Variants in CSMD1 observed in about 807,000 individuals in gnomAD.
The protein encoded by CSMD1 is CUB and sushi domain-containing protein 1.
A neutral mutation model predicts 417.5 loss-of-function variants in CSMD1; 213 were observed. That is an observed-to-expected ratio of 0.51 (90% CI 0.46 to 0.57). The LOEUF (loss-of-function observed/expected upper bound fraction) is 0.57, where lower values mean the gene tolerates loss of function less well. Among genes scored for constraint, CSMD1 ranks in the 20% least tolerant of loss-of-function variants. The probability of loss-of-function intolerance (pLI) is 0.00; values close to 1 mark genes in which losing one functional copy is unlikely to be tolerated. For missense variants in CSMD1, 6,923 were observed against 4,529.7 expected (o/e 1.53, Z -15.17); for synonymous variants, 2,862 against 1,736.8 (o/e 1.65, Z -16.11).
chr8:4,703,668 ATAG>A (rs1188368830), intron 1 of CSMD1, among the ~76,000 whole-genome samples: 2 of 152,184 alleles, frequency 1.3e-5, no homozygotes, highest in African/African-American at 4.8e-5. Flanking sequence ...TAGAAGACAA[ATAG>A]TAGTTGACTT....
chr8:3,412,898 T>C (rs1220452625), intron 12 of CSMD1, among the ~76,000 whole-genome samples: 1 of 152,104 alleles, frequency 6.6e-6, no homozygotes, highest in Non-Finnish European at 1.5e-5. Context: ...AGAAAAGAGC[T>C]CTTGTTTGTT....
chr8:3,653,189 T>C (rs1797945948), intron 7 of CSMD1, among the ~76,000 whole-genome samples: 1 of 151,820 alleles, frequency 6.6e-6, no homozygotes, highest in Admixed American at 6.6e-5. Context: ...TATACAAATA[T>C]ATTTAAAATT....
chr8:3,907,079 A>C (rs531819742), intron 5 of CSMD1, among the ~76,000 whole-genome samples: 2 of 152,324 alleles, frequency 1.3e-5, no homozygotes, highest in African/African-American at 4.8e-5. Context: ...GCTAGTAATC[A>C]CATCCCATGA....
rs139105329 is a variant in CSMD1 at position 4,395,419 on chromosome 8, T to TAA, written c.415+24532_415+24533dup. On this transcript the variant is annotated intron_variant, in intron 3 of 69. Coordinates refer to ENST00000635120, the MANE Select transcript of CSMD1 (RefSeq NM_033225.6). The stretch of plus-strand genomic sequence containing the variant: ...AGGCTCCAGAAGCGCTAAAGAATCA[T>TAA]AAAAAAAACAAGAAAAGCAGTCTCT... Among the ~76,000 whole-genome samples the TAA allele has an allele frequency of 2.6e-3, 388 of 151,568 alleles. 13 individuals are homozygous for TAA. In the East Asian group the frequency reaches 0.06, roughly 24 times the overall value.
At chr8:3,977,156 A>G (rs1267644323) in intron 5 of CSMD1, among the ~76,000 whole-genome samples, 1 of 152,098 alleles carries the variant, frequency 6.6e-6, no homozygotes, top group Non-Finnish European at 1.5e-5. Context: ...CATTTTCTCA[A>G]TCTCTTGGGC....
At chr8:3,993,352 A>C (rs1259763612) in intron 5 of CSMD1, among the ~76,000 whole-genome samples, 1 of 152,180 alleles carries the variant, frequency 6.6e-6, no homozygotes, top group Non-Finnish European at 1.5e-5. Flanking sequence ...GTTCCTCTAT[A>C]ATTCTCCCTG....
intron 3 of CSMD1, among the ~76,000 whole-genome samples, chr8:4,241,096 G>A (rs542623340): frequency 2.0e-5 from 3 of 152,006 alleles, no homozygotes; most frequent in African/African-American, 7.2e-5. Flanking sequence ...CCTCTACATA[G>A]AATCCTCTAA....
At chr8:4,539,720 T>C (rs931733286) in intron 2 of CSMD1, among the ~76,000 whole-genome samples, 1 of 152,244 alleles carries the variant, frequency 6.6e-6, no homozygotes, top group African/African-American at 2.4e-5. Context: ...CCTTGAATTA[T>C]TGTGATTTTA....
intron 2 of CSMD1, among the ~76,000 whole-genome samples, chr8:4,575,292 T>C (rs1799085542): frequency 6.6e-6 from 1 of 152,216 alleles, no homozygotes; most frequent in Non-Finnish European, 1.5e-5. Context: ...ATGATTGGTG[T>C]CCCTGTCCTT....
intron 5 of CSMD1, among the ~76,000 whole-genome samples, chr8:3,977,282 G>C (rs528319590): frequency 1.3e-5 from 2 of 152,250 alleles, no homozygotes; most frequent in African/African-American, 2.4e-5. Context: ...CAAGGAGATT[G>C]TGGGTTCCCT....
chr8:4,971,919 A>G (rs570167218), intron 1 of CSMD1, among the ~76,000 whole-genome samples: 103 of 152,216 alleles, frequency 6.8e-4, no homozygotes, highest in African/African-American at 2.5e-3. Flanking sequence ...GACATTTTCT[A>G]TAAAATAAAC....
chr8:3,975,648 G>C (rs998923478), intron 5 of CSMD1, among the ~76,000 whole-genome samples: 1 of 152,136 alleles, frequency 6.6e-6, no homozygotes, highest in Non-Finnish European at 1.5e-5. Flanking sequence ...GCCCAGCAGT[G>C]CTTAATGGTC....
At chr8:4,093,643 G>A (rs1020236060) in intron 3 of CSMD1, among the ~76,000 whole-genome samples, 1 of 152,052 alleles carries the variant, frequency 6.6e-6, no homozygotes, top group Non-Finnish European at 1.5e-5. Flanking sequence ...ATGATTGAGA[G>A]GAGAAAGTGA....
intron 30 of CSMD1, among the ~76,000 whole-genome samples, chr8:3,213,391 C>A (rs143166743): frequency 6.6e-6 from 1 of 152,038 alleles, no homozygotes; most frequent in Non-Finnish European, 1.5e-5. Flanking sequence ...CCTATAGAGA[C>A]CCCCATGAAA....
chr8:4,788,059 A>G, intron 1 of CSMD1: 4 of 1,594,578 alleles, frequency 2.5e-6, no homozygotes, highest in Non-Finnish European at 3.4e-6. Context: ...AAAAACTTTG[A>G]GTGGGTTGCA....
chr8:3,461,842 A>C (rs1409285133), intron 12 of CSMD1, among the ~76,000 whole-genome samples: 1 of 152,224 alleles, frequency 6.6e-6, no homozygotes, highest in African/African-American at 2.4e-5. Flanking sequence ...TGAGCAGTGC[A>C]CTGTGAGCAG....
chr8:3,478,174 G>A (rs1372610283), intron 11 of CSMD1, among the ~76,000 whole-genome samples: 1 of 152,202 alleles, frequency 6.6e-6, no homozygotes, highest in Non-Finnish European at 1.5e-5. Context: ...AGGTGGCACA[G>A]AAGATGATGT....
intron 10 of CSMD1, among the ~76,000 whole-genome samples, chr8:3,496,595 A>G (rs1796374937): frequency 6.6e-6 from 1 of 152,092 alleles, no homozygotes; most frequent in African/African-American, 2.4e-5. Flanking sequence ...TGGGAGGCCG[A>G]GGAGGGTGGG....
At chr8:4,060,060 C>A (rs1279437497) in intron 3 of CSMD1, among the ~76,000 whole-genome samples, 1 of 152,170 alleles carries the variant, frequency 6.6e-6, no homozygotes, top group African/African-American at 2.4e-5. Flanking sequence ...TACTGGCAAA[C>A]CGAATCCAGC....
Sources: allele counts gnomAD v4.1 joint callset (sites outside exome capture counted in the v4.1 genomes callset), GRCh38; gene constraint gnomAD v4.1.1; transcripts MANE v1.5; gene names NCBI Gene and HGNC (gene_info 2026-07-23, HGNC 2026-07-21).